PCMTD2: variants seen among roughly 807,000 people sequenced by gnomAD.
PCMTD2 encodes the protein protein-L-isoaspartate (D-aspartate) O-methyltransferase domain containing 2.
Under a neutral mutation model 33.4 loss-of-function variants are expected in PCMTD2, and 16 were observed. The observed-to-expected ratio is 0.48, with a 90% CI of 0.32 to 0.73. The LOEUF (loss-of-function observed/expected upper bound fraction) is 0.73, where lower values mean the gene tolerates loss of function less well. PCMTD2 is among the 30% of genes least tolerant of loss of function. The pLI is 0.03. For synonymous variants in PCMTD2, 161 were observed against 160.8 expected, an observed-to-expected ratio of 1.00 and a Z score of -0.01; for missense variants, 374 against 449.9, an observed-to-expected ratio of 0.83 and a Z score of 1.53.
At position 64,273,323 on chromosome 20, in the gene PCMTD2, G is replaced by A; in HGVS notation, c.809G>A (p.Gly270Glu). 6.2e-7 allele frequency: 1 copy of A among 1,614,164 alleles called. No homozygotes were observed. Among genetic ancestry groups the A allele is most frequent in the Non-Finnish European group, 8.5e-7 (1 of 1,180,006 alleles). The change falls in exon 6 of 6, where the codon GGA becomes GAA. Residue 270 changes from glycine to glutamate, a missense_variant. By Grantham distance (98) the Gly-to-Glu change is moderately conservative. Transcript: ENST00000308824. ...GAAACTGTGAGCAAAAACGGAAACG[G>A]ACTAAAGAACACCCCCAGGTTTAAA... ...HQETVSKNGN[G>E]LKNTPRFKRR...
intron 2 of PCMTD2, among the ~76,000 whole-genome samples, chr20:64,260,917 C>T (rs1011830142): frequency 2.0e-5 from 3 of 152,042 alleles, no homozygotes; most frequent in Non-Finnish European, 4.4e-5. Flanking sequence ...TGGTCTCAAA[C>T]TCCTGGGCGC....
At chr20:64,265,578 C>T (rs766535128) in intron 4 of PCMTD2, 149 bp downstream of exon 4, 49 of 578,408 alleles carry the variant, frequency 8.5e-5, no homozygotes, top group African/African-American at 1.3e-4. Flanking sequence ...TGCAGGGTCA[C>T]GCACATGCCC....
Position 64,260,170 on chromosome 20 carries a change from T to A in PCMTD2, c.205T>A (p.Tyr69Asn), listed in dbSNP as rs748038623. 1.2e-6 allele frequency: 2 copies of A among 1,612,976 alleles called. No individual in the cohort carries two copies. Among genetic ancestry groups the A allele is most frequent in the Non-Finnish European group, 1.7e-6 (2 of 1,179,028 alleles). ...GNIHLSAPCI[Y>N]SEVMEALDLQ... Reference sequence around the variant, plus strand: ...CATTCACCTCTCAGCCCCGTGCATCTACTCGGAGGTGATGGAAGCCCTAGA... The same window carrying A: ...CATTCACCTCTCAGCCCCGTGCATCAACTCGGAGGTGATGGAAGCCCTAGA... The change falls in exon 2 of 6, where the codon TAC becomes AAC. Residue 69 changes from tyrosine to asparagine, a missense_variant. Physicochemically the swap from Tyr to Asn is moderately radical, Grantham distance 143. Transcript: ENST00000308824.
chr20:64,259,721 C>T lies in PCMTD2; in HGVS notation c.-24-221C>T, dbSNP rs949150621. The T allele has an allele frequency of 5.6e-6, 3 of 533,308 alleles. No individual in the cohort carries two copies. In the African/African-American group the frequency reaches 5.8e-5, roughly 10 times the overall value. The allele number at this position is 533,308 out of a possible 1,614,324, so 33.0% of individuals were successfully genotyped here. A position where few individuals can be genotyped will look rare whatever the true frequency, so the allele number is the denominator to read the frequency against. On this transcript the variant is annotated intron_variant, in intron 1 of 5. Transcript: ENST00000308824. ...TGAATTTCAAATAAACGTCAAATAA[C>T]TTTTAGTATTGTTGTTTACCTTAAT...
At chr20:64,267,505 A>G (rs1438621936) in intron 4 of PCMTD2, among the ~76,000 whole-genome samples, 2 of 152,184 alleles carry the variant, frequency 1.3e-5, no homozygotes, top group Non-Finnish European at 2.9e-5. Flanking sequence ...ATCTGTAATT[A>G]CTTTTTGCTT....
chr20:64,270,644 A>C (rs147785918), intron 5 of PCMTD2, among the ~76,000 whole-genome samples: 441 of 152,314 alleles, frequency 2.9e-3, no homozygotes, highest in African/African-American at 9.9e-3. Context: ...AAAGCTGTTG[A>C]AATTTTCCAG....
intron 2 of PCMTD2, chr20:64,262,746 C>CT (rs1386792553): frequency 5.2e-5 from 8 of 152,462 alleles, no homozygotes; most frequent in African/African-American, 1.9e-4. Context: ...CAGGGCTGTC[C>CT]TTACCTTTGT....
intron 5 of PCMTD2, chr20:64,272,174 A>T (rs975102678): frequency 1.0e-5 from 5 of 487,582 alleles, no homozygotes; most frequent in African/African-American, 9.8e-5. Flanking sequence ...AGCCTGTTTG[A>T]GGGTTTCTGA....
intron 4 of PCMTD2, among the ~76,000 whole-genome samples, chr20:64,267,350 GA>G (rs1985704935): frequency 6.6e-6 from 1 of 152,168 alleles, no homozygotes; most frequent in Admixed American, 6.5e-5. Context: ...AAAGCATGAG[GA>G]TAATTGCCCA....
Position 64,273,576 on chromosome 20 carries a change from C to T in PCMTD2, c.1062C>T (p.Tyr354=). The change falls in exon 6 of 6, where the codon TAC becomes TAT. Residue 354 remains tyrosine, a synonymous_variant. Transcript: ENST00000308824. ...SLPLPDPLKY[Y]LLYYREK is the part of the protein sequence containing the mutation. ...CTCTGCCAGATCCCCTGAAATACTA[C>T]TTGCTTTATTACAGAGAAAAATAAG... The T allele has an allele frequency of 2.0e-6, 3 of 1,525,080 alleles. No individual in the cohort carries two copies. Among genetic ancestry groups the T allele is most frequent in the Middle Eastern group, 1.8e-4 (1 of 5,616 alleles). 94.5% of individuals were successfully genotyped at this position (1,525,080 alleles called of 1,614,324 possible).
rs1459206311 is a variant in PCMTD2, at chr20:64,274,283, G to A, written c.*683G>A. ...CCAGATAATCTTTCTGGAATTCCGA[G>A]AGAATTCCAAAGAGGGTTTTTTTTT... On this transcript the variant is annotated 3_prime_UTR_variant, in exon 6 of 6. Transcript: ENST00000308824. 6.7e-6 allele frequency: 1 copy of A among 149,130 alleles called. No homozygotes were observed. The highest frequency in any genetic ancestry group is 2.0e-4 in the East Asian group (1 of 5,116). The allele number at this position is 149,130 out of a possible 1,614,324, so 9.2% of individuals were successfully genotyped here. A position where few individuals can be genotyped will look rare whatever the true frequency, so the allele number is the denominator to read the frequency against.
intron 5 of PCMTD2, among the ~76,000 whole-genome samples, chr20:64,269,748 G>T (rs917599478): frequency 6.6e-6 from 1 of 151,192 alleles, no homozygotes; most frequent in South Asian, 2.1e-4. Context: ...CGCAATGTGG[G>T]GTCATGTGTG....
chr20:64,260,522 A>G (rs1480283653), intron 2 of PCMTD2, among the ~76,000 whole-genome samples: 1 of 152,140 alleles, frequency 6.6e-6, no homozygotes, highest in Admixed American at 6.5e-5. Flanking sequence ...GTGCTGCCAC[A>G]GCCTGTACTG....
intron 5 of PCMTD2, among the ~76,000 whole-genome samples, chr20:64,270,716 A>G (rs942017793): frequency 3.3e-5 from 5 of 152,158 alleles, no homozygotes; most frequent in Admixed American, 2.0e-4. Flanking sequence ...TCAGTGATAC[A>G]TAAAATGGTA....
chr20:64,260,073 CGATCGTGCAGACTATTATCTT>C lies in PCMTD2; in HGVS notation c.111_131del (p.Asp37_Leu43del). On this transcript the variant is annotated inframe_deletion, in exon 2 of 6. Coordinates refer to ENST00000308824, the MANE Select transcript of PCMTD2 (RefSeq NM_018257.3). Reference sequence around the variant, plus strand: ...TGGTAGAGCAGGCTTTCAGAGCTATCGATCGTGCAGACTATTATCTTGAAGAATTTAAAGAAAATGCTTATA... The same window carrying C: ...TGGTAGAGCAGGCTTTCAGAGCTATCGAAGAATTTAAAGAAAATGCTTATA... 6.2e-7 allele frequency: 1 copy of C among 1,611,488 alleles called. No individual in the cohort carries two copies. Among genetic ancestry groups the C allele is most frequent in the Non-Finnish European group, 8.5e-7 (1 of 1,177,668 alleles).
intron 2 of PCMTD2, among the ~76,000 whole-genome samples, chr20:64,263,999 G>A (rs886275072): frequency 1.3e-5 from 2 of 152,164 alleles, no homozygotes; most frequent in South Asian, 4.1e-4. Context: ...TTGTGACTTG[G>A]AAGCATAGTT....
At chr20:64,270,322 C>T (rs1315525269) in intron 5 of PCMTD2, among the ~76,000 whole-genome samples, 1 of 103,496 alleles carries the variant, frequency 9.7e-6, no homozygotes, top group Non-Finnish European at 2.0e-5. Context: ...TGTGAGTGCA[C>T]AGTGGGTTGT....
chr20:64,271,617 CAGAATGGATGTAA>C (rs1985913797), intron 5 of PCMTD2: 2 of 152,664 alleles, frequency 1.3e-5, no homozygotes, highest in Non-Finnish European at 2.9e-5. Context: ...TTTAAAGCCA[CAGAATGGATGTAA>C]AACCAAGGAC....
Position 64,275,186 on chromosome 20 carries a change from T to C in PCMTD2, c.*1586T>C, listed in dbSNP as rs1048568975. On this transcript the variant is annotated 3_prime_UTR_variant, in exon 6 of 6. Transcript: ENST00000308824. Reference sequence around the variant, plus strand: ...GCAGTTTAAGTCATTTTAAAGAAAGTTAGTTCATAGTTGTTGCCTTTTAAC... The same window carrying C: ...GCAGTTTAAGTCATTTTAAAGAAAGCTAGTTCATAGTTGTTGCCTTTTAAC... 6.6e-6 allele frequency: 1 copy of C among 152,236 alleles called. No individual in the cohort carries two copies. Among genetic ancestry groups the C allele is most frequent in the African/African-American group, 2.4e-5 (1 of 41,464 alleles). The allele number at this position is 152,236 out of a possible 1,614,324, so 9.4% of individuals were successfully genotyped here. A position where few individuals can be genotyped will look rare whatever the true frequency, so the allele number is the denominator to read the frequency against.
Sources: allele counts gnomAD v4.1 joint callset (sites outside exome capture counted in the v4.1 genomes callset), GRCh38; gene constraint gnomAD v4.1.1; transcripts MANE v1.5; gene names NCBI Gene and HGNC (gene_info 2026-07-23, HGNC 2026-07-21).